ZBTB20: variants seen among roughly 807,000 people sequenced by gnomAD.
The protein encoded by ZBTB20 is zinc finger and BTB domain containing 20, also known as zinc finger and BTB domain-containing protein 20.
A neutral mutation model predicts 56.9 loss-of-function variants in ZBTB20; 9 were observed. That is an observed-to-expected ratio of 0.16 (90% CI 0.10 to 0.28). The LOEUF (loss-of-function observed/expected upper bound fraction) is 0.28, where lower values mean the gene tolerates loss of function less well. Among genes scored for constraint, ZBTB20 ranks in the 10% least tolerant of loss-of-function variants. The pLI is 1.00. For missense variants in ZBTB20, 655 were observed against 1,003.0 expected (o/e 0.65, Z 4.69); for synonymous variants, 417 against 420.7 (o/e 0.99, Z 0.11).
At chr3:114,391,870 T>C (rs946016249) in intron 7 of ZBTB20, among the ~76,000 whole-genome samples, 3 of 152,198 alleles carry the variant, frequency 2.0e-5, no homozygotes, top group African/African-American at 7.2e-5. Context: ...CACAGACTAA[T>C]ATTTATCAGT....
At chr3:114,548,399 G>A (rs1396627376) in intron 6 of ZBTB20, among the ~76,000 whole-genome samples, 1 of 152,052 alleles carries the variant, frequency 6.6e-6, no homozygotes, top group Admixed American at 6.6e-5. Flanking sequence ...GTCTAAGGAT[G>A]GGAAGAGACC....
rs535008711 is a variant in ZBTB20, at chr3:114,594,585, T to G, written c.-294-94194A>C. On this transcript the variant is annotated intron_variant, in intron 6 of 11. Coordinates refer to ENST00000675478, the MANE Select transcript of ZBTB20 (RefSeq NM_001348800.3). ...TATGTTCTTATCTCATTCCTGTTTC[T>G]TCCTCTGCTCCAGAAAGGATTAGTG... Among the ~76,000 whole-genome samples the G allele has an allele frequency of 3.8e-4, 58 of 152,278 alleles. 1 individual carries two copies. Among genetic ancestry groups the G allele is most frequent in the African/African-American group, 1.3e-3 (55 of 41,550 alleles).
chr3:114,481,485 T>G (rs2041536730), intron 7 of ZBTB20, among the ~76,000 whole-genome samples: 1 of 151,994 alleles, frequency 6.6e-6, no homozygotes, highest in Non-Finnish European at 1.5e-5. Context: ...GAGGTGAGAA[T>G]CCCTCCCCGA....
intron 1 of ZBTB20, among the ~76,000 whole-genome samples, chr3:115,081,492 T>G (rs1320607949): frequency 6.6e-6 from 1 of 152,186 alleles, no homozygotes; most frequent in East Asian, 1.9e-4. Flanking sequence ...ATCCACAATT[T>G]ATATTTAAAA....
Position 114,332,945 on chromosome 3 carries a change from C to A in ZBTB20, c.*6060G>T, listed in dbSNP as rs898384459. The A allele has an allele frequency of 1.3e-5, 2 of 152,120 alleles. No homozygotes were observed. Among genetic ancestry groups the A allele is most frequent in the Non-Finnish European group, 2.9e-5 (2 of 68,018 alleles). 9.4% of individuals were successfully genotyped at this position (152,120 alleles called of 1,614,324 possible). On this transcript the variant is annotated 3_prime_UTR_variant, in exon 12 of 12. Coordinates refer to ENST00000675478, the MANE Select transcript of ZBTB20 (RefSeq NM_001348800.3). ...GAAAATACATAGTTCTGAAAAAGAA[C>A]CCACACTAGGTAGCCCTAATTTTCT...
At chr3:114,520,773 A>G (rs1214710004) in intron 6 of ZBTB20, among the ~76,000 whole-genome samples, 2 of 152,162 alleles carry the variant, frequency 1.3e-5, no homozygotes, top group South Asian at 2.1e-4. Flanking sequence ...TTACAATTAG[A>G]TATTCCAAAA....
intron 6 of ZBTB20, among the ~76,000 whole-genome samples, chr3:114,553,479 C>A (rs1289086760): frequency 6.6e-6 from 1 of 152,126 alleles, no homozygotes; most frequent in African/African-American, 2.4e-5. Context: ...ACATTTACTA[C>A]AAGTATACTG....
intron 6 of ZBTB20, among the ~76,000 whole-genome samples, chr3:114,626,721 TA>T (rs2107802065): frequency 6.6e-6 from 1 of 152,304 alleles, no homozygotes; most frequent in South Asian, 2.1e-4. Flanking sequence ...GTCCAGTAAC[TA>T]GAGGCCCAAA....
At chr3:114,630,856 G>A (rs1437222775) in intron 6 of ZBTB20, among the ~76,000 whole-genome samples, 1 of 152,188 alleles carries the variant, frequency 6.6e-6, no homozygotes, top group Non-Finnish European at 1.5e-5. Flanking sequence ...AACTGGCACA[G>A]ATATTATTAT....
chr3:114,853,461 A>C (rs868699934), intron 4 of ZBTB20, among the ~76,000 whole-genome samples: 3 of 152,240 alleles, frequency 2.0e-5, no homozygotes, highest in South Asian at 2.1e-4. Context: ...CATATGCGAC[A>C]GTGTTGCATT....
intron 10 of ZBTB20, chr3:114,366,648 A>G (rs964276264): frequency 6.6e-6 from 1 of 152,188 alleles, no homozygotes; most frequent in Non-Finnish European, 1.5e-5. Context: ...TATTACTAGG[A>G]GGCTTTTAGA....
intron 5 of ZBTB20, among the ~76,000 whole-genome samples, chr3:114,787,660 T>C (rs138759145): frequency 1.3e-5 from 2 of 152,040 alleles, no homozygotes; most frequent in Non-Finnish European, 1.5e-5. Flanking sequence ...TACATAAATC[T>C]ATATATATGT....
chr3:115,139,710 T>C (rs1009025981), intron 1 of ZBTB20, among the ~76,000 whole-genome samples: 2 of 152,048 alleles, frequency 1.3e-5, no homozygotes, highest in African/African-American at 4.8e-5. Flanking sequence ...TTTATAGAAA[T>C]AGAAAAATGT....
chr3:114,673,951 C>A (rs2061496558), intron 6 of ZBTB20, among the ~76,000 whole-genome samples: 1 of 152,092 alleles, frequency 6.6e-6, no homozygotes, highest in South Asian at 2.1e-4. Context: ...CCTAAGAATA[C>A]ACTCTAACAA....
chr3:115,144,720 T>C (rs1191424274), intron 1 of ZBTB20: 2 of 152,170 alleles, frequency 1.3e-5, no homozygotes, highest in African/African-American at 2.4e-5. Flanking sequence ...CGGGCCTAGA[T>C]GGGTAAGCAT....
At chr3:114,883,047 T>C (rs2076457232) in intron 4 of ZBTB20, among the ~76,000 whole-genome samples, 3 of 152,198 alleles carry the variant, frequency 2.0e-5, no homozygotes, top group Admixed American at 2.0e-4. Context: ...ATTTGTAAAA[T>C]AATAATTAAA....
intron 4 of ZBTB20, among the ~76,000 whole-genome samples, chr3:114,821,337 T>C (rs551068284): frequency 1.8e-4 from 27 of 152,202 alleles, no homozygotes; most frequent in Admixed American, 8.5e-4. Flanking sequence ...TCAGGAACCT[T>C]ATGACACAGT....
chr3:114,872,407 G>A (rs1038031064), intron 4 of ZBTB20, among the ~76,000 whole-genome samples: 1 of 152,104 alleles, frequency 6.6e-6, no homozygotes, highest in Non-Finnish European at 1.5e-5. Context: ...CCAAGATTAT[G>A]TTACATATGA....
rs2078628724 is a variant in ZBTB20, at chr3:114,315,082, A to G, written c.*23923T>C. The G allele has an allele frequency of 6.6e-6, 1 of 151,966 alleles. No homozygotes were observed. Among genetic ancestry groups the G allele is most frequent in the African/African-American group, 2.4e-5 (1 of 41,366 alleles). The allele number at this position is 151,966 out of a possible 1,614,324, so 9.4% of individuals were successfully genotyped here. A position where few individuals can be genotyped will look rare whatever the true frequency, so the allele number is the denominator to read the frequency against. On this transcript the variant is annotated 3_prime_UTR_variant, in exon 12 of 12. Transcript: ENST00000675478. Reference sequence around the variant, plus strand: ...ACAACAATTTAAGAGTATAATGAGAAAAAAAAAGGAACAAACTCCCTCTCA... The same window carrying G: ...ACAACAATTTAAGAGTATAATGAGAGAAAAAAAGGAACAAACTCCCTCTCA...
Sources: gnomAD v4.1 joint callset for allele counts (sites outside exome capture counted in the v4.1 genomes callset) on GRCh38, gnomAD v4.1.1 for gene constraint, MANE v1.5 for transcripts, NCBI Gene and HGNC (gene_info 2026-07-23, HGNC 2026-07-21) for gene names.